The following VPS13B variants were observed in gnomAD, a reference collection of about 807,000 sequenced individuals.
VPS13B encodes the protein intermembrane lipid transfer protein VPS13B.
VPS13B carries 285 observed loss-of-function variants against 426.4 expected under a neutral mutation model. The ratio of observed to expected loss-of-function variants is 0.67; its 90% CI spans 0.61 to 0.74. The LOEUF (loss-of-function observed/expected upper bound fraction) is 0.74. VPS13B is among the 30% of genes least tolerant of loss of function. The probability of loss-of-function intolerance (pLI) is 0.00; values close to 1 mark genes in which losing one functional copy is unlikely to be tolerated. For missense variants in VPS13B, 4,537 were observed against 4,782.6 expected, an observed-to-expected ratio of 0.95 and a Z score of 1.51; for synonymous variants, 1,676 against 1,676.4, an observed-to-expected ratio of 1.00 and a Z score of 0.01.
chr8:99,562,042 T>C (rs1448805686), intron 31 of VPS13B, among the ~76,000 whole-genome samples: 1 of 152,202 alleles, frequency 6.6e-6, no homozygotes, highest in Non-Finnish European at 1.5e-5. Flanking sequence ...CCAGCAATGT[T>C]TGAGGGTTCG....
intron 55 of VPS13B, among the ~76,000 whole-genome samples, chr8:99,852,926 CA>C (rs1816367616): frequency 6.6e-6 from 1 of 152,010 alleles, no homozygotes; most frequent in South Asian, 2.1e-4. Context: ...TAGGTGAGAG[CA>C]GAGTGACTTG....
At chr8:99,030,450 A>ATGAG (rs1480061760) in intron 2 of VPS13B, among the ~76,000 whole-genome samples, 1 of 115,054 alleles carries the variant, frequency 8.7e-6, no homozygotes, top group African/African-American at 3.3e-5. Flanking sequence ...TTGTCCCAGT[A>ATGAG]TGAGTGAGTG....
chr8:99,284,112 A>G (rs1456262539), intron 19 of VPS13B, among the ~76,000 whole-genome samples: 1 of 152,222 alleles, frequency 6.6e-6, no homozygotes, highest in Non-Finnish European at 1.5e-5. Flanking sequence ...AGTTCTAGCT[A>G]GGATACTAAC....
chr8:99,830,454 C>A (rs1814977504), intron 51 of VPS13B, among the ~76,000 whole-genome samples: 1 of 152,156 alleles, frequency 6.6e-6, no homozygotes, highest in African/African-American at 2.4e-5. Context: ...CTCCTCCCAC[C>A]AAGCTGGAGC....
intron 40 of VPS13B, among the ~76,000 whole-genome samples, chr8:99,774,161 C>T (rs2130656219): frequency 6.6e-6 from 1 of 152,278 alleles, no homozygotes; most frequent in South Asian, 2.1e-4. Flanking sequence ...ATTCAAATTA[C>T]ATATACTATA....
intron 36 of VPS13B, among the ~76,000 whole-genome samples, chr8:99,708,849 C>CTCTCTA (rs201729748): frequency 5.7e-4 from 84 of 147,338 alleles, no homozygotes; most frequent in African/African-American, 1.9e-3. Flanking sequence ...CTCTCTCTCT[C>CTCTCTA]TATATATATA....
intron 23 of VPS13B, among the ~76,000 whole-genome samples, chr8:99,457,679 A>T (rs1282110504): frequency 2.0e-5 from 3 of 151,748 alleles, no homozygotes; most frequent in Non-Finnish European, 4.4e-5. Context: ...TAAAACTTAG[A>T]TTATTGATTT....
chr8:99,227,126 C>T (rs1043949602), intron 17 of VPS13B, among the ~76,000 whole-genome samples: 1 of 152,054 alleles, frequency 6.6e-6, no homozygotes, highest in Non-Finnish European at 1.5e-5. Context: ...TTACATATGA[C>T]TGAGAAAAAG....
rs943013191 is a variant in VPS13B, at chr8:99,664,505, C to T, written c.6046+3014C>T. 1.3e-3 allele frequency among the ~76,000 whole-genome samples: 200 copies of T among 151,592 alleles called. 1 individual carries two copies. The highest frequency in any genetic ancestry group is 4.6e-3 in the African/African-American group (192 of 41,362). On this transcript the variant is annotated intron_variant, in intron 35 of 61. Transcript: ENST00000357162. The stretch of plus-strand genomic sequence containing the variant: ...ACAACAGTCCCCGGTGTGTGATGTT[C>T]CCCTTCCTGTGTCTATGTGTTCTCA...
chr8:99,248,700 G>A (rs989129569), intron 17 of VPS13B, among the ~76,000 whole-genome samples: 1 of 152,266 alleles, frequency 6.6e-6, no homozygotes, highest in South Asian at 2.1e-4. Context: ...AACTAAAAGG[G>A]ATGTTAAAAG....
At chr8:99,083,704 A>G (rs1179150751) in intron 3 of VPS13B, among the ~76,000 whole-genome samples, 2 of 129,038 alleles carry the variant, frequency 1.5e-5, no homozygotes, top group African/African-American at 6.0e-5. Context: ...TTCTGCATCT[A>G]TTGAGATAAT....
Position 99,835,378 on chromosome 8 carries a change from A to G in VPS13B, c.9742+54A>G, listed in dbSNP as rs576578152. 1.0e-5 allele frequency: 16 copies of G among 1,576,674 alleles called. 1 individual carries two copies. The South Asian group carries it at 1.8e-4, about 18-fold the overall frequency. ...ATACTAAATGTGTATTTTTTCTGGG[A>G]TTTTTTGATTTAGTAGTTACCTGTG... is the stretch of plus-strand genomic sequence containing the variant. On this transcript the variant is annotated intron_variant, in intron 53 of 61. Coordinates refer to ENST00000357162, the MANE Select transcript of VPS13B (RefSeq NM_152564.5).
intron 30 of VPS13B, among the ~76,000 whole-genome samples, chr8:99,529,248 G>A (rs1466439588): frequency 1.3e-5 from 2 of 152,026 alleles, no homozygotes; most frequent in African/African-American, 2.4e-5. Context: ...CTCACAGACC[G>A]TTTGTCTGTA....
intron 19 of VPS13B, among the ~76,000 whole-genome samples, chr8:99,342,452 GT>G (rs1442538521): frequency 4.6e-5 from 7 of 152,030 alleles, no homozygotes; most frequent in African/African-American, 1.7e-4. Flanking sequence ...ACTTCTACAA[GT>G]TCAACTTTTT....
At chr8:99,128,518 A>G (rs1421336524) in intron 8 of VPS13B, among the ~76,000 whole-genome samples, 2 of 150,908 alleles carry the variant, frequency 1.3e-5, no homozygotes, top group Admixed American at 6.6e-5. Context: ...TCCATTATCC[A>G]TACATCTGCC....
At chr8:99,816,932 T>G (rs1814074418) in intron 44 of VPS13B, among the ~76,000 whole-genome samples, 2 of 152,186 alleles carry the variant, frequency 1.3e-5, no homozygotes. Context: ...GAAAATCAAC[T>G]TCAAGGAATA....
chr8:99,294,928 T>C (rs1388990547), intron 19 of VPS13B, among the ~76,000 whole-genome samples: 1 of 152,178 alleles, frequency 6.6e-6, no homozygotes, highest in Non-Finnish European at 1.5e-5. Flanking sequence ...ATGTGGCTGG[T>C]GGTGGCTGTG....
intron 19 of VPS13B, among the ~76,000 whole-genome samples, chr8:99,297,139 AG>A (rs2133061354): frequency 6.6e-6 from 1 of 152,236 alleles, no homozygotes; most frequent in African/African-American, 2.4e-5. Context: ...AGGTTTTTAT[AG>A]GGTTTATTTG....
intron 36 of VPS13B, among the ~76,000 whole-genome samples, chr8:99,716,157 A>C (rs918417423): frequency 1.3e-5 from 2 of 152,120 alleles, no homozygotes; most frequent in Admixed American, 6.6e-5. Flanking sequence ...TGTGGGTGTG[A>C]TGCCTTCTGT....
Sources: gnomAD v4.1 joint callset for allele counts (sites outside exome capture counted in the v4.1 genomes callset) on GRCh38, gnomAD v4.1.1 for gene constraint, MANE v1.5 for transcripts, NCBI Gene and HGNC (gene_info 2026-07-23, HGNC 2026-07-21) for gene names.